The following WAC variants were observed in gnomAD, a reference collection of about 807,000 sequenced individuals.
The protein encoded by WAC is WW domain containing adaptor with coiled-coil, also known as WW domain-containing adapter protein with coiled-coil.
Under a neutral mutation model 79.6 loss-of-function variants are expected in WAC, and 11 were observed. The ratio of observed to expected loss-of-function variants is 0.14; its 90% CI spans 0.09 to 0.23. WAC has a LOEUF of 0.23. WAC is among the 10% of genes least tolerant of loss of function. WAC has a pLI of 1.00. For synonymous variants in WAC, 304 were observed against 276.9 expected, an observed-to-expected ratio of 1.10 and a Z score of -0.97; for missense variants, 728 against 773.5, an observed-to-expected ratio of 0.94 and a Z score of 0.70.
At chr10:28,618,067 T>C (rs778342345) in intron 13 of WAC, 1 of 214,668 alleles carries the variant, frequency 4.7e-6, no homozygotes, top group Non-Finnish European at 9.2e-6. Context: ...CAACTAATTA[T>C]AAATGTCCTC....
chr10:28,541,580 C>G (rs753538858), intron 3 of WAC, among the ~76,000 whole-genome samples: 23 of 151,540 alleles, frequency 1.5e-4, no homozygotes, highest in Admixed American at 2.6e-4. Context: ...ATGAACAGTC[C>G]TTTTCAGGAT....
chr10:28,604,005 T>G (rs1322299560), intron 7 of WAC, among the ~76,000 whole-genome samples: 1 of 135,994 alleles, frequency 7.4e-6, no homozygotes, highest in African/African-American at 2.8e-5. Flanking sequence ...ATATATATAT[T>G]TCTATACTAA....
chr10:28,554,463 T>G (rs1008341636), intron 3 of WAC, among the ~76,000 whole-genome samples: 1 of 152,244 alleles, frequency 6.6e-6, no homozygotes, highest in South Asian at 2.1e-4. Context: ...AGAGTTGTAT[T>G]AACTTAAGTT....
intron 2 of WAC, 157 bp from the exon 3 acceptor site, chr10:28,535,405 C>T: frequency 2.6e-6 from 2 of 779,966 alleles, no homozygotes; most frequent in Admixed American, 3.7e-5. Context: ...GGTTTTTTGT[C>T]TGAGAAACTT....
intron 3 of WAC, among the ~76,000 whole-genome samples, chr10:28,555,868 T>C (rs765847245): frequency 2.0e-5 from 3 of 152,170 alleles, no homozygotes; most frequent in Non-Finnish European, 4.4e-5. Flanking sequence ...TGTACAACTT[T>C]CCAGCTTCCA....
chr10:28,603,956 T>A (rs373065446), intron 7 of WAC, among the ~76,000 whole-genome samples: 3 of 4,134 alleles, frequency 7.3e-4, no homozygotes, highest in African/African-American at 2.3e-3. Flanking sequence ...TATATATGTA[T>A]GTATGTATAT....
At chr10:28,611,275 A>G in intron 9 of WAC, 2 of 1,292,680 alleles carry the variant, frequency 1.5e-6, no homozygotes, top group Non-Finnish European at 2.0e-6. Context: ...TCATGAAGGT[A>G]TCCAAATGGA....
chr10:28,570,822 G>A, intron 3 of WAC, among the ~76,000 whole-genome samples: 1 of 151,994 alleles, frequency 6.6e-6, no homozygotes, highest in African/African-American at 2.4e-5. Flanking sequence ...ATTAACACCT[G>A]AAGGATGAAC....
chr10:28,536,245 TAAAAA>T (rs5784067), intron 3 of WAC, among the ~76,000 whole-genome samples: 4 of 142,428 alleles, frequency 2.8e-5, no homozygotes, highest in African/African-American at 5.2e-5. Flanking sequence ...GAGACTCCAT[TAAAAA>T]AAAAAAAAAA....
In WAC at chr10:28,617,891, C is replaced by T. The variant is rs570896883; in HGVS notation, c.1874+107C>T. The T allele has an allele frequency of 5.7e-5, 72 of 1,265,410 alleles. No homozygotes were observed. In the South Asian group the frequency reaches 9.7e-4, roughly 17 times the overall value. The allele number at this position is 1,265,410 out of a possible 1,614,324, so 78.4% of individuals were successfully genotyped here. A position where few individuals can be genotyped will look rare whatever the true frequency, so the allele number is the denominator to read the frequency against. The stretch of plus-strand genomic sequence containing the variant: ...TATTTATGAAATGTAAAGTTCTCTT[C>T]GATACATTGATCACATTCTATCACT... On this transcript the variant is annotated intron_variant, in intron 13 of 13. Coordinates refer to ENST00000354911, the MANE Select transcript of WAC (RefSeq NM_016628.5).
In WAC at chr10:28,541,429, T is replaced by G. The variant is rs1375177442; in HGVS notation, c.274+5672T>G. 9.3e-5 allele frequency among the ~76,000 whole-genome samples: 13 copies of G among 140,184 alleles called. 1 individual carries two copies. Among genetic ancestry groups the G allele is most frequent in the African/African-American group, 2.1e-4 (8 of 38,414 alleles). 92.0% of individuals were successfully genotyped at this position (140,184 alleles called of 152,430 possible). A position where few individuals can be genotyped will look rare whatever the true frequency, so the allele number is the denominator to read the frequency against. ...TGTGTGTGTGTGTTTTGTTTTTTTT[T>G]TTTTTTTTTTTTTTTTTAAGACAGT... On this transcript the variant is annotated intron_variant, in intron 3 of 13. Coordinates refer to ENST00000354911, the MANE Select transcript of WAC (RefSeq NM_016628.5).
intron 6 of WAC, among the ~76,000 whole-genome samples, chr10:28,593,573 G>C (rs1840205699): frequency 6.6e-6 from 1 of 151,756 alleles, no homozygotes; most frequent in Admixed American, 6.6e-5. Flanking sequence ...TTTGAGACCA[G>C]CCCGGCCAAT....
At position 28,589,862 on chromosome 10, in the gene WAC, T is replaced by G. The variant is rs1219543257; in HGVS notation, c.497+11T>G. On this transcript the variant is annotated intron_variant, in intron 5 of 13. Coordinates refer to ENST00000354911, the MANE Select transcript of WAC (RefSeq NM_016628.5). Reference sequence around the variant, plus strand: ...AGAGTGGCTTGAAAGGTAATTAGCTTTTAATCTAATTAAACATTATTTCTC... The same window carrying G: ...AGAGTGGCTTGAAAGGTAATTAGCTGTTAATCTAATTAAACATTATTTCTC... 2 of 1,543,702 alleles carry G rather than the reference T, an allele frequency of 1.3e-6. No homozygotes were observed. Among genetic ancestry groups the G allele is most frequent in the Non-Finnish European group, 1.8e-6 (2 of 1,116,624 alleles).
chr10:28,555,170 A>G (rs1366530684), intron 3 of WAC, among the ~76,000 whole-genome samples: 1 of 152,072 alleles, frequency 6.6e-6, no homozygotes, highest in African/African-American at 2.4e-5. Flanking sequence ...TCTACTCTTC[A>G]GTATCTTTAT....
At chr10:28,534,124 A>T in intron 2 of WAC, 90 bp downstream of exon 2, 6 of 1,314,074 alleles carry the variant, frequency 4.6e-6, no homozygotes, top group Non-Finnish European at 6.2e-6. Context: ...AGAAGTCGAT[A>T]CAGGCCCTTC....
intron 10 of WAC, among the ~76,000 whole-genome samples, chr10:28,612,170 G>A (rs1448880279): frequency 1.3e-5 from 2 of 152,154 alleles, no homozygotes; most frequent in Non-Finnish European, 2.9e-5. Flanking sequence ...TTTGTCACAT[G>A]GAGAGTGAGA....
At chr10:28,607,074 A>G (rs1316880928) in intron 7 of WAC, among the ~76,000 whole-genome samples, 1 of 152,198 alleles carries the variant, frequency 6.6e-6, no homozygotes, top group East Asian at 1.9e-4. Context: ...CTTCTTTGAA[A>G]TAATGTCTTC....
chr10:28,533,809 C>A, intron 1 of WAC, 189 bp downstream of exon 1: 2 of 998,806 alleles, frequency 2.0e-6, no homozygotes, highest in Non-Finnish European at 1.4e-6. Context: ...GGGGGCCCGG[C>A]TTCGCGGCAT....
chr10:28,617,913 C>A, intron 13 of WAC, 129 bp downstream of exon 13: 1 of 1,081,758 alleles, frequency 9.2e-7, no homozygotes, highest in Non-Finnish European at 1.2e-6. Context: ...CACATTCTAT[C>A]ACTGCATTTT....
Sources: gnomAD v4.1 joint callset for allele counts (sites outside exome capture counted in the v4.1 genomes callset) on GRCh38, gnomAD v4.1.1 for gene constraint, MANE v1.5 for transcripts, NCBI Gene and HGNC (gene_info 2026-07-23, HGNC 2026-07-21) for gene names.